The following TRERF1 variants were observed in gnomAD, a reference collection of about 807,000 sequenced individuals.
TRERF1 encodes the protein transcriptional regulating factor 1.
TRERF1 carries 27 observed loss-of-function variants against 122.9 expected under a neutral mutation model. The ratio of observed to expected loss-of-function variants is 0.22; its 90% CI spans 0.16 to 0.30. The LOEUF is 0.30. Among genes scored for constraint, TRERF1 ranks in the 10% least tolerant of loss-of-function variants. The pLI is 1.00. For synonymous variants in TRERF1, 636 were observed against 641.7 expected, an observed-to-expected ratio of 0.99 and a Z score of 0.13; for missense variants, 1,248 against 1,560.3, an observed-to-expected ratio of 0.80 and a Z score of 3.37.
intron 2 of TRERF1, among the ~76,000 whole-genome samples, chr6:42,407,823 A>G (rs1037435744): frequency 6.6e-6 from 1 of 151,700 alleles, no homozygotes; most frequent in Admixed American, 6.6e-5. Flanking sequence ...CCAGATTCTT[A>G]TGGACGTGTG....
Position 42,425,493 on chromosome 6 carries a change from C to G in TRERF1, c.-454+25684G>C, listed in dbSNP as rs139337518. On this transcript the variant is annotated intron_variant, in intron 2 of 17. Coordinates refer to ENST00000372922, the Ensembl canonical transcript of TRERF1. The stretch of plus-strand genomic sequence containing the variant: ...CCAGTGTGGCCCCAGAGCCCATGCC[C>G]CTTTCACATACCTAAACCGACACGG... Among the ~76,000 whole-genome samples, 800 of 149,734 alleles carry G rather than the reference C, an allele frequency of 5.3e-3. 10 individuals are homozygous for G. Among genetic ancestry groups the G allele is most frequent in the African/African-American group, 0.018 (752 of 40,752 alleles).
At chr6:42,408,791 C>T (rs538161706) in intron 2 of TRERF1, among the ~76,000 whole-genome samples, 34 of 152,016 alleles carry the variant, frequency 2.2e-4, no homozygotes, top group Admixed American at 1.2e-3. Context: ...CATTTGCTCT[C>T]GAGGAAAAAA....
chr6:42,236,385 CTCT>C (rs1562113507), exon 16 of TRERF1: 1 of 1,557,460 alleles, frequency 6.4e-7, no homozygotes, highest in Admixed American at 1.9e-5. Flanking sequence ...CCTCCTCCTC[CTCT>C]AACTCTTCTT....
intron 2 of TRERF1, among the ~76,000 whole-genome samples, chr6:42,443,764 A>C (rs1403877852): frequency 1.3e-5 from 2 of 152,208 alleles, no homozygotes; most frequent in Non-Finnish European, 1.5e-5. Context: ...TGAAAACCCC[A>C]AATAGAAGGC....
chr6:42,371,172 G>A (rs933693773), intron 2 of TRERF1, among the ~76,000 whole-genome samples: 5 of 152,194 alleles, frequency 3.3e-5, no homozygotes, highest in Non-Finnish European at 7.3e-5. Context: ...AAGGCCTGGA[G>A]GTCAGAGGGT....
chr6:42,311,338 G>A (rs1234495817), intron 3 of TRERF1, among the ~76,000 whole-genome samples: 1 of 152,154 alleles, frequency 6.6e-6, no homozygotes, highest in Non-Finnish European at 1.5e-5. Context: ...GCTGAACCAG[G>A]TGACTCAGGG....
At chr6:42,296,566 C>T (rs955740671) in intron 4 of TRERF1, among the ~76,000 whole-genome samples, 1 of 152,186 alleles carries the variant, frequency 6.6e-6, no homozygotes, top group African/African-American at 2.4e-5. Context: ...CAGAGAGATT[C>T]AGCTGTTAAG....
intron 2 of TRERF1, among the ~76,000 whole-genome samples, chr6:42,388,441 C>T (rs1364950658): frequency 6.6e-6 from 1 of 152,062 alleles, no homozygotes; most frequent in African/African-American, 2.4e-5. Context: ...GGCATCAAGT[C>T]CGCACAGTTG....
intron 14 of TRERF1, among the ~76,000 whole-genome samples, chr6:42,244,736 T>C (rs1243582292): frequency 6.6e-6 from 1 of 152,246 alleles, no homozygotes; most frequent in Non-Finnish European, 1.5e-5. Context: ...TGAGAAATGT[T>C]CCTTAGTAAT....
intron 3 of TRERF1, among the ~76,000 whole-genome samples, chr6:42,349,350 C>T (rs1321371655): frequency 3.3e-5 from 5 of 151,952 alleles, no homozygotes; most frequent in South Asian, 2.1e-4. Flanking sequence ...CACCTGAGGC[C>T]GGAATCTACC....
chr6:42,259,191 G>A lies in TRERF1; in HGVS notation c.2269+148C>T, dbSNP rs1276149555. The A allele has an allele frequency of 2.7e-6, 3 of 1,094,794 alleles. No individual in the cohort carries two copies. The African/African-American group carries it at 4.8e-5, about 18-fold the overall frequency. 67.8% of individuals were successfully genotyped at this position (1,094,794 alleles called of 1,614,324 possible). On this transcript the variant is annotated intron_variant, in intron 9 of 17. Transcript: ENST00000372922. The surrounding 1 kb of genome is among the most constrained non-coding windows in gnomAD (Gnocchi z 4.9). Reference sequence around the variant, plus strand: ...TGAGGATAAGGGCTATGTATTCCAAGTCTTTCTTAACACCCAGCAGCGCGT... The same window carrying A: ...TGAGGATAAGGGCTATGTATTCCAAATCTTTCTTAACACCCAGCAGCGCGT...
chr6:42,429,342 T>C (rs1784127712), intron 2 of TRERF1, among the ~76,000 whole-genome samples: 1 of 151,942 alleles, frequency 6.6e-6, no homozygotes, highest in African/African-American at 2.4e-5. Context: ...CCCTGCGAGG[T>C]CTGGGAAGCC....
chr6:42,289,842 C>G (rs910491004), intron 4 of TRERF1, among the ~76,000 whole-genome samples: 13 of 152,098 alleles, frequency 8.5e-5, no homozygotes, highest in African/African-American at 3.1e-4. Context: ...TGGTCCAGGC[C>G]AGATAGCTTG....
intron 2 of TRERF1, among the ~76,000 whole-genome samples, chr6:42,380,750 T>C (rs1218649499): frequency 6.6e-6 from 1 of 152,134 alleles, no homozygotes; most frequent in East Asian, 1.9e-4. Context: ...ACGTCAGCAA[T>C]GTCCTCTAAA....
intron 2 of TRERF1, among the ~76,000 whole-genome samples, chr6:42,408,267 A>ATGTATATATACACACTCATGTGTG (rs1780544426): frequency 1.6e-5 from 2 of 123,358 alleles, no homozygotes; most frequent in African/African-American, 6.3e-5. Context: ...ATGTGTGTGT[A>ATGTATATATACACACTCATGTGTG]TGTATATATA....
chr6:42,277,870 AGAAGAAG>A lies in TRERF1; in HGVS notation c.-258-8029_-258-8023del, dbSNP rs1243599739. On this transcript the variant is annotated intron_variant, in intron 4 of 17. Coordinates refer to ENST00000372922, the Ensembl canonical transcript of TRERF1. ...AAGAAGAAGAAAGAAGGAAGAAGGA[AGAAGAAG>A]GAAGAAGGAAGAAGGAAGAAGGAAG... 7.3e-3 allele frequency among the ~76,000 whole-genome samples: 942 copies of A among 129,672 alleles called. 51 individuals carry two copies. Among genetic ancestry groups the A allele is most frequent in the African/African-American group, 0.014 (461 of 32,836 alleles). The allele number at this position is 129,672 out of a possible 152,430, so 85.1% of individuals were successfully genotyped here.
intron 2 of TRERF1, among the ~76,000 whole-genome samples, chr6:42,431,117 A>G (rs946712534): frequency 1.3e-5 from 2 of 152,046 alleles, no homozygotes; most frequent in African/African-American, 4.8e-5. Context: ...ACTAAAGACA[A>G]GGGAAGAGTA....
chr6:42,372,821 C>A (rs763338845), intron 2 of TRERF1, among the ~76,000 whole-genome samples: 75 of 152,192 alleles, frequency 4.9e-4, no homozygotes, highest in Admixed American at 4.1e-3. Flanking sequence ...AGTGGGCCAG[C>A]ACACACGTGG....
chr6:42,353,078 G>A (rs1769780177), intron 3 of TRERF1, among the ~76,000 whole-genome samples: 1 of 152,230 alleles, frequency 6.6e-6, no homozygotes, highest in Non-Finnish European at 1.5e-5. Context: ...AGCTACTTGG[G>A]AGGCTGGGCT....
Sources: allele counts gnomAD v4.1 joint callset (sites outside exome capture counted in the v4.1 genomes callset), GRCh38; gene constraint gnomAD v4.1.1; non-coding constraint Gnocchi (gnomAD v3.1); transcripts MANE v1.5; gene names NCBI Gene and HGNC (gene_info 2026-07-23, HGNC 2026-07-21).